MINDY4B: variants seen among roughly 807,000 people sequenced by gnomAD.
MINDY4B encodes inactive ubiquitin carboxyl-terminal hydrolase MINDY-4B.
In MINDY4B, 25 loss-of-function variants were observed where a neutral mutation model predicts 16.7. That is an observed-to-expected ratio of 1.49 (90% CI 1.09 to 2.09). The LOEUF (loss-of-function observed/expected upper bound fraction) is 2.09, where lower values mean the gene tolerates loss of function less well. Among genes scored for constraint, MINDY4B ranks in the 30% most tolerant of loss-of-function variants. MINDY4B has a pLI of 0.00. For synonymous variants in MINDY4B, 132 were observed against 61.9 expected, an observed-to-expected ratio of 2.13 and a Z score of -5.32; for missense variants, 327 against 168.4, an observed-to-expected ratio of 1.94 and a Z score of -5.21.
At chr3:150,900,679 T>C (rs1459907249) in intron 3 of MINDY4B, among the ~76,000 whole-genome samples, 1 of 152,210 alleles carries the variant, frequency 6.6e-6, no homozygotes, top group Non-Finnish European at 1.5e-5. Context: ...TCTGGGACTT[T>C]CTTAACACCC....
chr3:150,894,244 G>T lies in MINDY4B; in HGVS notation c.371C>A (p.Ala124Asp). The part of the protein sequence containing the change: ...VHVFSYNWKK[A>D]YFRFHDPSSE... ...AGAAGGATCATGGAACCTGAAATAG[G>T]CCTTTTTCCAGTTATAGCTAAAGAC... is the stretch of plus-strand genomic sequence containing the variant. The change falls in exon 4 of 12, where the codon GCC becomes GAC. Residue 124 changes from alanine (A) to aspartate (D), a missense_variant. Transcript: ENST00000465419. 1 of 702,084 alleles carries T rather than the reference G, an allele frequency of 1.4e-6. No homozygotes were observed. Among genetic ancestry groups the T allele is most frequent in the Non-Finnish European group, 2.6e-6 (1 of 384,650 alleles). 43.5% of individuals were successfully genotyped at this position (702,084 alleles called of 1,614,324 possible). A position where few individuals can be genotyped will look rare whatever the true frequency, so the allele number is the denominator to read the frequency against.
rs374269228 is a variant in MINDY4B, at chr3:150,870,968, T to C, written c.*77A>G. 6.4e-6 allele frequency: 4 copies of C among 629,906 alleles called. No individual in the cohort carries two copies. The highest frequency in any genetic ancestry group is 2.7e-5 in the East Asian group (1 of 36,546). 39.0% of individuals were successfully genotyped at this position (629,906 alleles called of 1,614,324 possible). A position where few individuals can be genotyped will look rare whatever the true frequency, so the allele number is the denominator to read the frequency against. ...TTGTGAATGAGAAATATGGAAACGA[T>C]TGGTCTCCCCCACATTAGGCTTTTG... On this transcript the variant is annotated 3_prime_UTR_variant, in exon 12 of 12. Coordinates refer to ENST00000465419, the MANE Select transcript of MINDY4B (RefSeq NM_001351281.2).
rs1424854154 is a variant in MINDY4B, at chr3:150,883,742, A to C, written c.855T>G (p.Thr285=). 1 of 702,744 alleles carries C rather than the reference A, an allele frequency of 1.4e-6. No individual in the cohort carries two copies. Among genetic ancestry groups the C allele is most frequent in the East Asian group, 2.7e-5 (1 of 37,286 alleles). 43.5% of individuals were successfully genotyped at this position (702,744 alleles called of 1,614,324 possible). A position where few individuals can be genotyped will look rare whatever the true frequency, so the allele number is the denominator to read the frequency against. The change falls in exon 9 of 12, where the codon ACT becomes ACG. Residue 285 remains threonine (T), a synonymous_variant. Coordinates refer to ENST00000465419, the MANE Select transcript of MINDY4B (RefSeq NM_001351281.2). ...RLQMDLDVTT[T]QLLQPNAGGF... ...CTCCAGCATTTGGTTGTAGCAGCTGAGTGGTGGTGACATCTAGGTCCATTT... is the reference window on the plus strand; with the variant it reads ...CTCCAGCATTTGGTTGTAGCAGCTGCGTGGTGGTGACATCTAGGTCCATTT...
At chr3:150,902,385 A>G (rs1712136992) in intron 3 of MINDY4B, among the ~76,000 whole-genome samples, 1 of 152,196 alleles carries the variant, frequency 6.6e-6, no homozygotes, top group African/African-American at 2.4e-5. Context: ...TAGGGTGATG[A>G]TGGGGAAATT....
Position 150,893,431 on chromosome 3 carries a change from T to A in MINDY4B, c.430-16A>T, listed in dbSNP as rs1423382143. ...GGGCCCCTCCCTGAAATGAGGAGAA[T>A]GAATGACGAGGTGAAGAACTCTTGG... On this transcript the variant is annotated splice_polypyrimidine_tract_variant and intron_variant, in intron 4 of 11. Coordinates refer to ENST00000465419, the MANE Select transcript of MINDY4B (RefSeq NM_001351281.2). 1.3e-5 allele frequency: 9 copies of A among 702,480 alleles called. No individual in the cohort carries two copies. Among genetic ancestry groups the A allele is most frequent in the Non-Finnish European group, 2.1e-5 (8 of 384,772 alleles). The allele number at this position is 702,480 out of a possible 1,614,324, so 43.5% of individuals were successfully genotyped here. A position where few individuals can be genotyped will look rare whatever the true frequency, so the allele number is the denominator to read the frequency against.
chr3:150,883,882 A>C (rs1433516958), intron 8 of MINDY4B, 110 bp from the exon 9 acceptor site: 4 of 636,692 alleles, frequency 6.3e-6, no homozygotes, highest in Non-Finnish European at 1.1e-5. Flanking sequence ...TCTCCTAGTC[A>C]CTGTTTCTCA....
At position 150,870,905 on chromosome 3, in the gene MINDY4B, A is replaced by C; in HGVS notation, c.*140T>G. 1.8e-6 allele frequency: 1 copy of C among 548,876 alleles called. No individual in the cohort carries two copies. The highest frequency in any genetic ancestry group is 3.2e-6 in the Non-Finnish European group (1 of 312,414). The allele number at this position is 548,876 out of a possible 1,614,324, so 34.0% of individuals were successfully genotyped here. A position where few individuals can be genotyped will look rare whatever the true frequency, so the allele number is the denominator to read the frequency against. On this transcript the variant is annotated 3_prime_UTR_variant, in exon 12 of 12. Transcript: ENST00000465419. Reference sequence around the variant, plus strand: ...TTACCAGAGACTTAAAAAATGAAAAAACTGCTAATGGTATATATATATATT... The same window carrying C: ...TTACCAGAGACTTAAAAAATGAAAACACTGCTAATGGTATATATATATATT...
At chr3:150,904,945 A>T (rs1712205031) in intron 2 of MINDY4B, 117 bp downstream of exon 2, 1 of 397,774 alleles carries the variant, frequency 2.5e-6, no homozygotes, top group African/African-American at 2.1e-5. Context: ...TTCACGCGTT[A>T]AATGCCAGTG....
intron 11 of MINDY4B, among the ~76,000 whole-genome samples, chr3:150,872,886 C>T (rs996979787): frequency 6.6e-5 from 10 of 152,130 alleles, no homozygotes; most frequent in Admixed American, 6.5e-4. Flanking sequence ...AATCAAAGGC[C>T]CCGGAGAATG....
intron 10 of MINDY4B, among the ~76,000 whole-genome samples, chr3:150,880,933 A>G (rs1227720177): frequency 6.6e-6 from 1 of 152,218 alleles, no homozygotes; most frequent in Non-Finnish European, 1.5e-5. Context: ...TTTCTGGCTT[A>G]GTTTTACTCT....
chr3:150,894,598 C>A (rs1711911257), intron 3 of MINDY4B, among the ~76,000 whole-genome samples: 1 of 152,170 alleles, frequency 6.6e-6, no homozygotes, highest in South Asian at 2.1e-4. Flanking sequence ...ACCCCTGCCT[C>A]TCCCATCTTT....
intron 3 of MINDY4B, among the ~76,000 whole-genome samples, chr3:150,897,997 C>A (rs1340646820): frequency 6.6e-6 from 1 of 152,198 alleles, no homozygotes; most frequent in East Asian, 1.9e-4. Flanking sequence ...AGTTCTGCTC[C>A]TTACCAACCA....
intron 7 of MINDY4B, among the ~76,000 whole-genome samples, chr3:150,885,767 G>T (rs1200477881): frequency 6.6e-6 from 1 of 152,118 alleles, no homozygotes; most frequent in Non-Finnish European, 1.5e-5. Context: ...GCCCTTGGCT[G>T]CCCTCTCCTT....
In MINDY4B at chr3:150,870,998, C is replaced by T. The variant is rs749655216; in HGVS notation, c.*47G>A. 7.4e-6 allele frequency: 5 copies of T among 675,838 alleles called. No individual in the cohort carries two copies. Among genetic ancestry groups the T allele is most frequent in the South Asian group, 6.3e-5 (4 of 63,230 alleles). The allele number at this position is 675,838 out of a possible 1,614,324, so 41.9% of individuals were successfully genotyped here. ...CTCCCCCACATTAGGCTTTTGCATCCCAGCAGTTCTGACACTTCAGACTTC... is the reference window on the plus strand; with the variant it reads ...CTCCCCCACATTAGGCTTTTGCATCTCAGCAGTTCTGACACTTCAGACTTC... On this transcript the variant is annotated 3_prime_UTR_variant, in exon 12 of 12. Transcript: ENST00000465419.
At chr3:150,896,062 A>G (rs905134653) in intron 3 of MINDY4B, among the ~76,000 whole-genome samples, 2 of 151,766 alleles carry the variant, frequency 1.3e-5, no homozygotes, top group African/African-American at 2.4e-5. Context: ...CTTTGTTCAT[A>G]TTTTCGGATT....
intron 3 of MINDY4B, chr3:150,901,498 A>G (rs941215459): frequency 7.0e-6 from 1 of 143,688 alleles, no homozygotes; most frequent in Non-Finnish European, 1.5e-5. Flanking sequence ...AGGCAGATAG[A>G]TTTTCTTTCT....
At chr3:150,880,271 C>A (rs1395826512) in intron 10 of MINDY4B, among the ~76,000 whole-genome samples, 1 of 152,058 alleles carries the variant, frequency 6.6e-6, no homozygotes, top group Non-Finnish European at 1.5e-5. Flanking sequence ...GCACATGCTA[C>A]AGGAACTTCC....
rs1717014486 is a variant in MINDY4B at position 150,873,384 on chromosome 3, G to A, written c.1060-17C>T. 1.4e-6 allele frequency: 1 copy of A among 700,826 alleles called. No individual in the cohort carries two copies. Among genetic ancestry groups the A allele is most frequent in the Admixed American group, 2.0e-5 (1 of 49,682 alleles). 43.4% of individuals were successfully genotyped at this position (700,826 alleles called of 1,614,324 possible). On this transcript the variant is annotated splice_polypyrimidine_tract_variant and intron_variant, in intron 10 of 11. Coordinates refer to ENST00000465419, the MANE Select transcript of MINDY4B (RefSeq NM_001351281.2). ...GCTGCCCACCTGGAAAGGGGAAGGG[G>A]AATGCAGATAAATATATAGATTTTG...
intron 10 of MINDY4B, among the ~76,000 whole-genome samples, chr3:150,875,576 T>C (rs1049102784): frequency 6.6e-6 from 1 of 152,216 alleles, no homozygotes; most frequent in African/African-American, 2.4e-5. Flanking sequence ...ACTGACACAC[T>C]ATTGTTGCTT....
Sources: gnomAD v4.1 joint callset for allele counts (sites outside exome capture counted in the v4.1 genomes callset) on GRCh38, gnomAD v4.1.1 for gene constraint, MANE v1.5 for transcripts, NCBI Gene and HGNC (gene_info 2026-07-23, HGNC 2026-07-21) for gene names.